Variants in CHRM3 observed in about 807,000 individuals in gnomAD.
CHRM3 encodes the protein muscarinic acetylcholine receptor M3.
In CHRM3, 11 loss-of-function variants were observed where a neutral mutation model predicts 41.8. The ratio of observed to expected loss-of-function variants is 0.26; its 90% CI spans 0.17 to 0.44. The LOEUF (loss-of-function observed/expected upper bound fraction) is 0.44, where lower values mean the gene tolerates loss of function less well. Among genes scored for constraint, CHRM3 ranks in the 20% least tolerant of loss-of-function variants. The pLI, the probability that CHRM3 is intolerant of heterozygous loss-of-function variation, is 1.00. For missense variants in CHRM3, 571 were observed against 745.4 expected, an observed-to-expected ratio of 0.77 and a Z score of 2.72; for synonymous variants, 297 against 301.4, an observed-to-expected ratio of 0.99 and a Z score of 0.15.
chr1:239,824,071 G>A (rs1672264161), intron 5 of CHRM3, among the ~76,000 whole-genome samples: 1 of 152,036 alleles, frequency 6.6e-6, no homozygotes, highest in Non-Finnish European at 1.5e-5. Flanking sequence ...GGCACAGAAT[G>A]CCAGGCTGCC....
intron 6 of CHRM3, among the ~76,000 whole-genome samples, chr1:239,847,272 G>A (rs1176328650): frequency 6.6e-6 from 1 of 152,090 alleles, no homozygotes; most frequent in Admixed American, 6.5e-5. Context: ...TTTCCACTAC[G>A]TGGTTACGTG....
intron 6 of CHRM3, among the ~76,000 whole-genome samples, chr1:239,904,211 C>G (rs1364054809): frequency 6.6e-6 from 1 of 152,114 alleles, no homozygotes; most frequent in Non-Finnish European, 1.5e-5. Context: ...AAGGAGATTT[C>G]AGAAAGAGAA....
At chr1:239,685,523 T>C (rs1192972130) in intron 5 of CHRM3, among the ~76,000 whole-genome samples, 2 of 152,040 alleles carry the variant, frequency 1.3e-5, no homozygotes, top group Non-Finnish European at 2.9e-5. Context: ...TTGTGGTACC[T>C]CTCAAAACTG....
chr1:239,437,261 A>G (rs767375678), intron 1 of CHRM3, among the ~76,000 whole-genome samples: 1 of 152,084 alleles, frequency 6.6e-6, no homozygotes, highest in Non-Finnish European at 1.5e-5. Flanking sequence ...TTACACAGAC[A>G]TGCCATTATA....
At chr1:239,790,456 T>A (rs1296669295) in intron 5 of CHRM3, among the ~76,000 whole-genome samples, 1 of 152,310 alleles carries the variant, frequency 6.6e-6, no homozygotes, top group Admixed American at 6.5e-5. Context: ...GATGGTTTTA[T>A]AAAGGGGAGT....
At chr1:239,531,206 A>G (rs944923226) in intron 2 of CHRM3, among the ~76,000 whole-genome samples, 2 of 152,192 alleles carry the variant, frequency 1.3e-5, no homozygotes, top group Non-Finnish European at 2.9e-5. Flanking sequence ...AAAAACTTTG[A>G]AAAAGAAGAA....
At chr1:239,652,410 G>A (rs1022621880) in intron 4 of CHRM3, among the ~76,000 whole-genome samples, 3 of 152,136 alleles carry the variant, frequency 2.0e-5, no homozygotes, top group African/African-American at 7.2e-5. Flanking sequence ...CCTCACCTGT[G>A]TGATATAATC....
intron 4 of CHRM3, among the ~76,000 whole-genome samples, chr1:239,643,154 G>C (rs1403198414): frequency 6.6e-6 from 1 of 152,144 alleles, no homozygotes; most frequent in African/African-American, 2.4e-5. Context: ...ACCTGGCAGT[G>C]TGAGGTGTCA....
At chr1:239,730,831 G>A (rs1343644487) in intron 5 of CHRM3, among the ~76,000 whole-genome samples, 1 of 151,852 alleles carries the variant, frequency 6.6e-6, no homozygotes, top group African/African-American at 2.4e-5. Context: ...GGGACATTGG[G>A]AAAGAAGGCA....
intron 1 of CHRM3, among the ~76,000 whole-genome samples, chr1:239,467,899 A>AC (rs540183012): frequency 0.038 from 4,953 of 129,148 alleles, 96 homozygotes; most frequent in Non-Finnish European, 0.049. Context: ...AATTTTCCCT[A>AC]CCCCCCCCCA....
At chr1:239,649,435 T>C (rs745459930) in intron 4 of CHRM3, among the ~76,000 whole-genome samples, 32 of 152,058 alleles carry the variant, frequency 2.1e-4, no homozygotes, top group Non-Finnish European at 1.5e-4. Context: ...CCTAAGGCAA[T>C]AGAAAAGACG....
chr1:239,819,075 C>T (rs896635272), intron 5 of CHRM3, among the ~76,000 whole-genome samples: 1 of 152,176 alleles, frequency 6.6e-6, no homozygotes, highest in Non-Finnish European at 1.5e-5. Flanking sequence ...CTTTGTTTAA[C>T]ATGAGCCAGT....
chr1:239,722,969 T>C (rs1451128583), intron 5 of CHRM3, among the ~76,000 whole-genome samples: 1 of 151,958 alleles, frequency 6.6e-6, no homozygotes, highest in Non-Finnish European at 1.5e-5. Context: ...TTCGTTTTCC[T>C]CAAAGTACAA....
chr1:239,554,021 C>T (rs1218481518), intron 3 of CHRM3, among the ~76,000 whole-genome samples: 1 of 151,954 alleles, frequency 6.6e-6, no homozygotes, highest in Non-Finnish European at 1.5e-5. Context: ...CCTTAAAGAG[C>T]TGGGATTACA....
chr1:239,690,852 A>T (rs1240618193), intron 5 of CHRM3, among the ~76,000 whole-genome samples: 2 of 151,938 alleles, frequency 1.3e-5, no homozygotes, highest in Non-Finnish European at 2.9e-5. Context: ...ATCTGCTTGT[A>T]ACAAAGTACC....
chr1:239,568,557 T>C (rs1661565430), intron 3 of CHRM3, among the ~76,000 whole-genome samples: 3 of 152,166 alleles, frequency 2.0e-5, no homozygotes, highest in Non-Finnish European at 4.4e-5. Context: ...GAAAACAGAC[T>C]GATACACCCA....
intron 3 of CHRM3, among the ~76,000 whole-genome samples, chr1:239,596,385 A>G (rs55776075): frequency 0.11 from 16,091 of 152,162 alleles, 892 homozygotes; most frequent in African/African-American, 0.14. Context: ...CTGCAAGTAC[A>G]AAAGGGGAGA....
chr1:239,638,974 C>A (rs939611012), intron 4 of CHRM3, among the ~76,000 whole-genome samples: 70 of 152,248 alleles, frequency 4.6e-4, no homozygotes, highest in Middle Eastern at 3.4e-3. Flanking sequence ...TTTCAGCTTT[C>A]TACATATGGC....
At position 239,823,740 on chromosome 1, in the gene CHRM3, C is replaced by T. The variant is rs556940056; in HGVS notation, c.-146-3512C>T. Among the ~76,000 whole-genome samples, 20 of 151,908 alleles carry T rather than the reference C, an allele frequency of 1.3e-4. No homozygotes were observed. The East Asian group carries it at 2.3e-3, about 18-fold the overall frequency. Reference sequence around the variant, plus strand: ...TTTCCAATAGGAAAGGCCAAAAAAGCGAACAACTCAATAGAACAGAAGACC... The same window carrying T: ...TTTCCAATAGGAAAGGCCAAAAAAGTGAACAACTCAATAGAACAGAAGACC... On this transcript the variant is annotated intron_variant, in intron 5 of 6. Transcript: ENST00000676153.
Sources: gnomAD v4.1 joint callset for allele counts (sites outside exome capture counted in the v4.1 genomes callset) on GRCh38, gnomAD v4.1.1 for gene constraint, MANE v1.5 for transcripts, NCBI Gene and HGNC (gene_info 2026-07-23, HGNC 2026-07-21) for gene names.